TGFA: variants seen among roughly 807,000 people sequenced by gnomAD.
TGFA encodes the protein transforming growth factor alpha.
In TGFA, 12 loss-of-function variants were observed where a neutral mutation model predicts 21.7. The observed-to-expected ratio is 0.55, with a 90% CI of 0.35 to 0.90. TGFA has a LOEUF of 0.90. Among genes scored for constraint, TGFA ranks in the 40% least tolerant of loss-of-function variants. TGFA has a pLI of 0.01. For missense variants in TGFA, 178 were observed against 210.8 expected (o/e 0.84, Z 0.96); for synonymous variants, 79 against 88.1 (o/e 0.90, Z 0.58).
intron 1 of TGFA, among the ~76,000 whole-genome samples, chr2:70,527,913 T>C (rs1310684087): frequency 1.3e-5 from 2 of 152,224 alleles, no homozygotes; most frequent in Non-Finnish European, 2.9e-5. Context: ...AAGGAAGCCA[T>C]GGCAGGGGCA....
At chr2:70,537,333 T>C (rs1045289932) in intron 1 of TGFA, among the ~76,000 whole-genome samples, 3 of 152,180 alleles carry the variant, frequency 2.0e-5, no homozygotes, top group African/African-American at 4.8e-5. Context: ...AAACCTACAA[T>C]GGCCTCTCAG....
chr2:70,504,833 G>T (rs1358464898), intron 2 of TGFA, among the ~76,000 whole-genome samples: 1 of 152,146 alleles, frequency 6.6e-6, no homozygotes, highest in Admixed American at 6.5e-5. Context: ...ATCTGTGTGT[G>T]TGTATGTTTT....
intron 2 of TGFA, among the ~76,000 whole-genome samples, chr2:70,507,788 C>T (rs1326431792): frequency 1.3e-5 from 2 of 152,226 alleles, no homozygotes; most frequent in Non-Finnish European, 2.9e-5. Context: ...GGTAGATGCG[C>T]TATTAACTGA....
In TGFA at chr2:70,523,051, A is replaced by G. The variant is rs529101184; in HGVS notation, c.41-8139T>C. Reference sequence around the variant, plus strand: ...TGATATTAAATATTCCCACTACAATATTGAAAAATCCATGAGGAATGAAGG... The same window carrying G: ...TGATATTAAATATTCCCACTACAATGTTGAAAAATCCATGAGGAATGAAGG... On this transcript the variant is annotated intron_variant, in intron 1 of 5. Coordinates refer to ENST00000295400, the MANE Select transcript of TGFA (RefSeq NM_003236.4). Among the ~76,000 whole-genome samples the G allele has an allele frequency of 1.4e-4, 21 of 152,318 alleles. No homozygotes were observed. In the South Asian group the frequency reaches 3.9e-3, roughly 29 times the overall value.
intron 1 of TGFA, among the ~76,000 whole-genome samples, chr2:70,531,043 T>C (rs1046980512): frequency 2.0e-5 from 3 of 152,326 alleles, no homozygotes; most frequent in South Asian, 2.1e-4. Flanking sequence ...GATGCTGAGC[T>C]GGCTGCTCGG....
At chr2:70,452,670 A>G (rs1670093990) in intron 5 of TGFA, among the ~76,000 whole-genome samples, 2 of 152,304 alleles carry the variant, frequency 1.3e-5, no homozygotes, top group East Asian at 3.9e-4. Context: ...AGCCGGGCAC[A>G]GTGGCTCATG....
At chr2:70,485,587 C>G (rs782254283) in intron 2 of TGFA, among the ~76,000 whole-genome samples, 1 of 152,078 alleles carries the variant, frequency 6.6e-6, no homozygotes, top group African/African-American at 2.4e-5. Context: ...CCAAAGGAAC[C>G]GAGCACTGCT....
chr2:70,522,481 C>CT (rs1455452167), intron 1 of TGFA, among the ~76,000 whole-genome samples: 1 of 152,166 alleles, frequency 6.6e-6, no homozygotes, highest in Non-Finnish European at 1.5e-5. Context: ...GTTGCCCAGG[C>CT]TGGAGTACAG....
intron 1 of TGFA, among the ~76,000 whole-genome samples, chr2:70,547,759 ACTATATATG>A (rs80167926): frequency 0.33 from 48,064 of 146,962 alleles, 8,424 homozygotes; most frequent in East Asian, 0.6. Context: ...TAGATAGTAT[ACTATATATG>A]CTATATATGT....
chr2:70,472,731 C>T (rs1275869084), intron 2 of TGFA, among the ~76,000 whole-genome samples: 12 of 152,210 alleles, frequency 7.9e-5, no homozygotes, highest in Non-Finnish European at 1.2e-4. Context: ...TGCTGGTCAG[C>T]GGGAGCCGGC....
chr2:70,480,893 A>ATG (rs1553495373), intron 2 of TGFA, among the ~76,000 whole-genome samples: 1 of 151,760 alleles, frequency 6.6e-6, no homozygotes, highest in African/African-American at 2.4e-5. Context: ...CCATGATCTA[A>ATG]AGGCTCTGCC....
chr2:70,473,211 G>T (rs1255457513), intron 2 of TGFA, among the ~76,000 whole-genome samples: 1 of 152,154 alleles, frequency 6.6e-6, no homozygotes, highest in Non-Finnish European at 1.5e-5. Context: ...CCAAGCTTGG[G>T]AGGTGATGCG....
intron 1 of TGFA, among the ~76,000 whole-genome samples, chr2:70,547,800 AATATATACTATCTAT>A: frequency 6.8e-6 from 1 of 147,774 alleles, no homozygotes; most frequent in African/African-American, 2.5e-5. Flanking sequence ...CTATCTATAC[AATATATACTATCTAT>A]ATATATACTA....
intron 2 of TGFA, among the ~76,000 whole-genome samples, chr2:70,480,082 G>A (rs572704898): frequency 7.6e-4 from 116 of 152,284 alleles, no homozygotes; most frequent in African/African-American, 2.8e-3. Flanking sequence ...AGACAGAAAA[G>A]GGGAAGTTTA....
In TGFA at chr2:70,547,952, C is replaced by T. The variant is rs6708912; in HGVS notation, c.40+5776G>A. Among the ~76,000 whole-genome samples the T allele has an allele frequency of 4.0e-5, 6 of 150,992 alleles. No homozygotes were observed. In the East Asian group the frequency reaches 9.7e-4, roughly 24 times the overall value. On this transcript the variant is annotated intron_variant, in intron 1 of 5. Transcript: ENST00000295400. The stretch of plus-strand genomic sequence containing the variant: ...ACAAAATGTGAATCAGTTATCTTTC[C>T]ATGGTGGAATTATAGGTCATGAAAA...
At chr2:70,486,539 G>A (rs1671275787) in intron 2 of TGFA, among the ~76,000 whole-genome samples, 1 of 151,640 alleles carries the variant, frequency 6.6e-6, no homozygotes, top group Non-Finnish European at 1.5e-5. Flanking sequence ...GTGCAGTGAG[G>A]CAAACACAGC....
chr2:70,528,273 C>A (rs1395390233), intron 1 of TGFA, among the ~76,000 whole-genome samples: 2 of 152,102 alleles, frequency 1.3e-5, no homozygotes, highest in East Asian at 3.8e-4. Context: ...ACATACTACA[C>A]CAATATCACA....
chr2:70,452,643 T>G (rs1422485287), intron 5 of TGFA, among the ~76,000 whole-genome samples: 5 of 152,152 alleles, frequency 3.3e-5, no homozygotes, highest in Non-Finnish European at 7.4e-5. Context: ...TTTTTAAGAA[T>G]AAGAAAACCG....
intron 1 of TGFA, among the ~76,000 whole-genome samples, chr2:70,547,137 T>G (rs1209279127): frequency 3.9e-5 from 6 of 152,344 alleles, no homozygotes; most frequent in Middle Eastern, 3.4e-3. Flanking sequence ...AAAAAAATGT[T>G]GTATCGGTTA....
Sources: allele counts gnomAD v4.1 joint callset (sites outside exome capture counted in the v4.1 genomes callset), GRCh38; gene constraint gnomAD v4.1.1; transcripts MANE v1.5; gene names NCBI Gene and HGNC (gene_info 2026-07-23, HGNC 2026-07-21).